Variants in WDFY4 observed in about 807,000 individuals in gnomAD.
WDFY4 encodes WD repeat- and FYVE domain-containing protein 4.
A neutral mutation model predicts 351.9 loss-of-function variants in WDFY4; 169 were observed. The observed-to-expected ratio is 0.48, with a 90% CI of 0.42 to 0.55. WDFY4 has a LOEUF of 0.55. WDFY4 is among the 20% of genes least tolerant of loss of function. WDFY4 has a pLI of 0.00. For missense variants in WDFY4, 3,803 were observed against 3,935.6 expected (o/e 0.97, Z 0.90); for synonymous variants, 1,622 against 1,574.6 (o/e 1.03, Z -0.71).
At chr10:48,689,715 G>T (rs1469827526) in intron 1 of WDFY4, among the ~76,000 whole-genome samples, 1 of 152,196 alleles carries the variant, frequency 6.6e-6, no homozygotes, top group Non-Finnish European at 1.5e-5. Flanking sequence ...AATAGAGTTT[G>T]AGATGGATGA....
intron 30 of WDFY4, among the ~76,000 whole-genome samples, chr10:48,812,179 C>CTTTTTTTTTTTTTTTTT (rs1355851618): frequency 2.2e-5 from 3 of 134,556 alleles, no homozygotes; most frequent in African/African-American, 9.4e-5. Context: ...TCTTTCTTTT[C>CTTTTTTTTTTTTTTTTT]TTTTTTTTTT....
chr10:48,913,341 C>G (rs773961072), intron 47 of WDFY4: 19 of 1,559,424 alleles, frequency 1.2e-5, no homozygotes, highest in Admixed American at 8.8e-5. Flanking sequence ...CCACTGCCCT[C>G]TTCCCTCCCT....
At chr10:48,871,677 A>G (rs1418788261) in intron 40 of WDFY4, among the ~76,000 whole-genome samples, 1 of 151,960 alleles carries the variant, frequency 6.6e-6, no homozygotes, top group African/African-American at 2.4e-5. Context: ...GGGTCTTGCT[A>G]TGTTGCCCAG....
intron 1 of WDFY4, 108 bp from the exon 2 acceptor site, chr10:48,709,608 C>T (rs560026117): frequency 3.2e-6 from 3 of 942,628 alleles, no homozygotes; most frequent in Admixed American, 2.7e-5. Flanking sequence ...CTTAGGGGAA[C>T]CATTTTCAAT....
intron 1 of WDFY4, 86 bp downstream of exon 1, chr10:48,685,087 C>T: frequency 6.6e-6 from 1 of 152,630 alleles, no homozygotes; most frequent in Non-Finnish European, 1.5e-5. Flanking sequence ...CTACTGGCTG[C>T]CTCCTGGGAG....
At chr10:48,739,997 T>C (rs1446478292) in intron 11 of WDFY4, among the ~76,000 whole-genome samples, 1 of 152,176 alleles carries the variant, frequency 6.6e-6, no homozygotes, top group Non-Finnish European at 1.5e-5. Context: ...CTCAGGCGAT[T>C]GTCTGTAATC....
chr10:48,790,233 C>T (rs183949239), intron 22 of WDFY4, among the ~76,000 whole-genome samples: 33 of 152,320 alleles, frequency 2.2e-4, no homozygotes, highest in African/African-American at 4.3e-4. Flanking sequence ...CTGTCTGTGA[C>T]GACAGGAAGC....
Position 48,786,623 on chromosome 10 carries a change from CT to C in WDFY4, c.3577-11del, listed in dbSNP as rs1565195920. The C allele has an allele frequency of 6.5e-7, 1 of 1,543,528 alleles. No homozygotes were observed. Among genetic ancestry groups the C allele is most frequent in the Non-Finnish European group, 8.8e-7 (1 of 1,142,350 alleles). ...AGATCAAACACTACTCACTCTTGTC[CT>C]TTTTATTTTAACAGATGTTATACAT... is the stretch of plus-strand genomic sequence containing the variant. On this transcript the variant is annotated splice_polypyrimidine_tract_variant and intron_variant, in intron 19 of 61. Transcript: ENST00000325239.
At position 48,926,880 on chromosome 10, in the gene WDFY4, G is replaced by A. The variant is rs534746729; in HGVS notation, c.7587-14926G>A. Among the ~76,000 whole-genome samples, 13 of 152,312 alleles carry A rather than the reference G, an allele frequency of 8.5e-5. No individual in the cohort carries two copies. In the South Asian group the frequency reaches 1.0e-3, roughly 12 times the overall value. On this transcript the variant is annotated intron_variant, in intron 47 of 61. Transcript: ENST00000325239. ...TAGGTGGCAATGGAGGCAGGAACTC[G>A]TTGTTTCTCAGCTTCTCCAGTCCCT...
chr10:48,742,883 T>TG, intron 11 of WDFY4, 85 bp from the exon 12 acceptor site: 3 of 1,282,452 alleles, frequency 2.3e-6, no homozygotes, highest in Non-Finnish European at 3.2e-6. Context: ...GAAGAGCTAG[T>TG]GGGACGCTCT....
rs558090314 is a variant in WDFY4, at chr10:48,868,389, C to G, written c.6741+1047C>G. Among the ~76,000 whole-genome samples the G allele has an allele frequency of 2.6e-5, 4 of 152,092 alleles. 1 individual carries two copies. The highest frequency in any genetic ancestry group is 4.4e-5 in the Non-Finnish European group (3 of 68,014). ...TAGTCAGAGGGATCAGCAGGCATGTCTAGTTTTTCTGAGTGCACAAGCTGG... is the reference window on the plus strand; with the variant it reads ...TAGTCAGAGGGATCAGCAGGCATGTGTAGTTTTTCTGAGTGCACAAGCTGG... On this transcript the variant is annotated intron_variant, in intron 40 of 61. Transcript: ENST00000325239.
Position 48,796,265 on chromosome 10 carries a change from C to T in WDFY4, c.4258-33C>T, listed in dbSNP as rs1265890919. 1.9e-6 allele frequency: 3 copies of T among 1,539,636 alleles called. No homozygotes were observed. The African/African-American group carries it at 4.1e-5, about 21-fold the overall frequency. On this transcript the variant is annotated intron_variant, in intron 23 of 61. Transcript: ENST00000325239. Reference sequence around the variant, plus strand: ...AAGGGGAAATCTCTAATGATGCATTCATGAGGAAACTGCTTTGTGTTAACC... The same window carrying T: ...AAGGGGAAATCTCTAATGATGCATTTATGAGGAAACTGCTTTGTGTTAACC...
intron 30 of WDFY4, among the ~76,000 whole-genome samples, chr10:48,813,104 A>G (rs1392107821): frequency 1.3e-5 from 2 of 152,142 alleles, no homozygotes; most frequent in East Asian, 3.9e-4. Flanking sequence ...CCCACCTTTC[A>G]CTCAACTTCC....
At chr10:48,762,376 C>T (rs1249370611) in intron 13 of WDFY4, among the ~76,000 whole-genome samples, 1 of 152,204 alleles carries the variant, frequency 6.6e-6, no homozygotes, top group Non-Finnish European at 1.5e-5. Flanking sequence ...TGCTCCTGTT[C>T]CCCTGCTGGA....
At chr10:48,900,163 C>G (rs1280253604) in intron 45 of WDFY4, 58 bp from the exon 46 acceptor site, 1 of 1,474,956 alleles carries the variant, frequency 6.8e-7, no homozygotes, top group Non-Finnish European at 9.2e-7. Flanking sequence ...CTGTGTCACC[C>G]TGGGGCGTCT....
At chr10:48,943,524 G>A in intron 49 of WDFY4, 75 bp downstream of exon 49, 1 of 1,468,236 alleles carries the variant, frequency 6.8e-7, no homozygotes, top group Non-Finnish European at 9.1e-7. Context: ...AAGTCAGCAT[G>A]CAGAGCCTCT....
chr10:48,777,703 T>C (rs778022938), intron 17 of WDFY4, among the ~76,000 whole-genome samples: 3 of 152,184 alleles, frequency 2.0e-5, no homozygotes, highest in Non-Finnish European at 2.9e-5. Flanking sequence ...TGAACTATGA[T>C]TGAACCACTG....
chr10:48,940,467 G>A (rs1840694215), intron 47 of WDFY4, among the ~76,000 whole-genome samples: 1 of 152,200 alleles, frequency 6.6e-6, no homozygotes, highest in Admixed American at 6.5e-5. Context: ...AGATGTGACG[G>A]TGGGGCTATG....
At chr10:48,845,885 G>A (rs553649092) in intron 39 of WDFY4, among the ~76,000 whole-genome samples, 1 of 152,328 alleles carries the variant, frequency 6.6e-6, no homozygotes, top group East Asian at 1.9e-4. Flanking sequence ...GAATGCCACT[G>A]TGGAGTGGTA....
Sources: gnomAD v4.1 joint callset for allele counts (sites outside exome capture counted in the v4.1 genomes callset) on GRCh38, gnomAD v4.1.1 for gene constraint, MANE v1.5 for transcripts, NCBI Gene and HGNC (gene_info 2026-07-23, HGNC 2026-07-21) for gene names.